The following MUC4 variants were observed in gnomAD, a reference collection of about 807,000 sequenced individuals.
MUC4 encodes mucin-4.
In MUC4, 202 loss-of-function variants were observed where a neutral mutation model predicts 257.9. The ratio of observed to expected loss-of-function variants is 0.78; its 90% confidence interval spans 0.70 to 0.88. MUC4 has a LOEUF of 0.88. Ranked by LOEUF, MUC4 falls within the 40% of genes least tolerant of loss-of-function variation. MUC4 has a pLI of 0.00. For synonymous variants in MUC4, 2,351 were observed against 2,757.1 expected, an observed-to-expected ratio of 0.85 and a Z score of 4.62; for missense variants, 5,976 against 6,513.7, an observed-to-expected ratio of 0.92 and a Z score of 2.84.
chr3:195,767,938 TACC>T (rs763983469), intron 7 of MUC4, among the ~76,000 whole-genome samples: 9,240 of 66,438 alleles, frequency 0.14, 473 homozygotes, highest in Middle Eastern at 0.34. Flanking sequence ...CCACCGCCAC[TACC>T]ACCACCACCA....
rs1715767932 is a variant in MUC4, at chr3:195,748,999, T to C, written c.15937A>G (p.Ser5313Gly). 2.5e-6 allele frequency: 4 copies of C among 1,610,144 alleles called. No individual in the cohort carries two copies. Among genetic ancestry groups the C allele is most frequent in the Non-Finnish European group, 3.4e-6 (4 of 1,178,116 alleles). Residue 5313 changes from serine (S) to glycine (G), a missense_variant, in exon 24 of 25, where the codon AGC becomes GGC. Around this residue, in one of 44 missense-constraint regions of MUC4, gnomAD observed 310 missense variants for 242.1 expected, o/e 1.28. Coordinates refer to ENST00000463781, the MANE Select transcript of MUC4 (RefSeq NM_018406.7). Reference sequence around the variant, plus strand: ...ACGCAGGTGAAGCCGCTCTGGGGGCTGTAGACCAGGTCGTAGCCCTTGTAG... The same window carrying C: ...ACGCAGGTGAAGCCGCTCTGGGGGCCGTAGACCAGGTCGTAGCCCTTGTAG... Reference protein sequence around the residue: ...DGYKGYDLVYSPQSGFTCVSP... With the variant: ...DGYKGYDLVYGPQSGFTCVSP...
chr3:195,762,881 A>C lies in MUC4; in HGVS notation c.14318T>G (p.Phe4773Cys), dbSNP rs942122778. The C allele has an allele frequency of 1.3e-6, 2 of 1,570,680 alleles. No individual in the cohort carries two copies. Among genetic ancestry groups the C allele is most frequent in the African/African-American group, 1.4e-5 (1 of 73,680 alleles). Residue 4773 changes from phenylalanine to cysteine, a missense_variant, in exon 13 of 25, where the codon TTT (phenylalanine) becomes TGT (cysteine). Phe to Cys is a radical substitution (Grantham distance 205). Around this residue, in one of 44 missense-constraint regions of MUC4, gnomAD observed 996 missense variants for 1,137.3 expected, o/e 0.88. Transcript: ENST00000463781. ...TCCGCCGTCTTCATGGTCAGGCTGAAATGTCACAGTCTGGTTATCCAGCAG... is the reference window on the plus strand; with the variant it reads ...TCCGCCGTCTTCATGGTCAGGCTGACATGTCACAGTCTGGTTATCCAGCAG... ...RVLLDNQTVT[F>C]QPDHEDGGGQ... is the part of the protein sequence containing the mutation.
Position 195,782,883 on chromosome 3 carries a change from G to A in MUC4, c.8697C>T (p.Leu2899=), listed in dbSNP as rs201101755. 3 of 1,522,232 alleles carry A rather than the reference G, an allele frequency of 2.0e-6. No homozygotes were observed. Among genetic ancestry groups the A allele is most frequent in the East Asian group, 2.5e-5 (1 of 40,386 alleles). The allele number at this position is 1,522,232 out of a possible 1,614,324, so 94.3% of individuals were successfully genotyped here. Residue 2899 remains leucine, a synonymous_variant, in exon 2 of 25, where the codon CTC becomes CTT. Coordinates refer to ENST00000463781, the MANE Select transcript of MUC4 (RefSeq NM_018406.7). The part of the protein sequence containing the change: ...VSTGHATPLP[L]TSLSSVSTGD... ...CTGTGGATACTGAGGAAAGGCTGGT[G>A]AGAGGAAGAGGGGTAGCGTGACCTG...
intron 20 of MUC4, 39 bp from the exon 21 acceptor site, chr3:195,752,485 T>G: frequency 2.5e-6 from 4 of 1,581,720 alleles, no homozygotes; most frequent in Non-Finnish European, 3.5e-6. Flanking sequence ...CACCCCACGG[T>G]TTACCCAGAC....
rs767994233 is a variant in MUC4, at chr3:195,751,130, G to A, written c.15648-18C>T. 137 of 1,552,200 alleles carry A rather than the reference G, an allele frequency of 8.8e-5. No homozygotes were observed. The highest frequency in any genetic ancestry group is 2.2e-4 in the Middle Eastern group (1 of 4,446). On this transcript the variant is annotated intron_variant, in intron 22 of 24. Transcript: ENST00000463781. ...CAGAATCGCTGTGTGGGAGGGCAAC[G>A]GTGAGGGGGGGTGGGGGGCTGGGGG...
At chr3:195,792,425 A>C (rs1031845686) in intron 1 of MUC4, among the ~76,000 whole-genome samples, 1 of 152,268 alleles carries the variant, frequency 6.6e-6, no homozygotes, top group Admixed American at 6.5e-5. Flanking sequence ...TCAAAACTAC[A>C]AAGGGATATC....
Position 195,785,156 on chromosome 3 carries a change from T to G in MUC4, c.6424A>C (p.Thr2142Pro), listed in dbSNP as rs71617306. Residue 2142 changes from threonine to proline, a missense_variant, in exon 2 of 25, where the codon ACC (threonine) becomes CCC (proline). By Grantham distance (38) the Thr-to-Pro change is conservative (BLOSUM62 -1). Coordinates refer to ENST00000463781, the MANE Select transcript of MUC4 (RefSeq NM_018406.7). The stretch of plus-strand genomic sequence containing the variant: ...GTTTCGGTGACAGGAAGAGGGGTGG[T>G]GTCACCTGTGGATGTTGAGGAAGGG... ...TSPSSTSTGD[T>P]TPLPVTETSS... The G allele has an allele frequency of 2.0e-6, 3 of 1,504,074 alleles. No individual in the cohort carries two copies. Among genetic ancestry groups the G allele is most frequent in the Non-Finnish European group, 1.8e-6 (2 of 1,124,504 alleles). 93.2% of individuals were successfully genotyped at this position (1,504,074 alleles called of 1,614,324 possible).
In MUC4 at chr3:195,782,358, A is replaced by T. The variant is rs1352391084; in HGVS notation, c.9222T>A (p.Pro3074=). The T allele has an allele frequency of 3.5e-6, 5 of 1,447,046 alleles. No homozygotes were observed. The highest frequency in any genetic ancestry group is 4.6e-6 in the Non-Finnish European group (5 of 1,083,974). 89.6% of individuals were successfully genotyped at this position (1,447,046 alleles called of 1,614,324 possible). ...TGGATGCTGAGGAAGTGTCGGTGACAGGAAGCGGGGTGGCGTGACCGGTGG... is the reference window on the plus strand; with the variant it reads ...TGGATGCTGAGGAAGTGTCGGTGACTGGAAGCGGGGTGGCGTGACCGGTGG... ...SASTGHATPL[P]VTDTSSASTG... The change falls in exon 2 of 25, where the codon CCT becomes CCA. Residue 3074 remains proline (P), a synonymous_variant. Transcript: ENST00000463781.
chr3:195,760,112 C>T (rs1264130222), intron 16 of MUC4, among the ~76,000 whole-genome samples: 1 of 152,056 alleles, frequency 6.6e-6, no homozygotes, highest in Non-Finnish European at 1.5e-5. Context: ...GTGGCTGGCA[C>T]TGTTCTGGGT....
At chr3:195,793,107 A>G (rs1411166475) in intron 1 of MUC4, among the ~76,000 whole-genome samples, 2 of 145,144 alleles carry the variant, frequency 1.4e-5, no homozygotes, top group African/African-American at 5.2e-5. Flanking sequence ...CGTTCTGCAC[A>G]TGTATCCTGA....
chr3:195,793,018 T>C (rs1734063170), intron 1 of MUC4, among the ~76,000 whole-genome samples: 1 of 151,650 alleles, frequency 6.6e-6, no homozygotes, highest in African/African-American at 2.4e-5. Context: ...TCAGGATAAA[T>C]AGCTAATACA....
intron 1 of MUC4, among the ~76,000 whole-genome samples, chr3:195,804,681 G>A (rs926165032): frequency 6.6e-6 from 1 of 152,264 alleles, no homozygotes; most frequent in African/African-American, 2.4e-5. Flanking sequence ...TAAGCCCAAG[G>A]GAAGTGCCCA....
At chr3:195,752,530 A>G (rs1716654876) in intron 20 of MUC4, 84 bp from the exon 21 acceptor site, 2 of 1,181,736 alleles carry the variant, frequency 1.7e-6, no homozygotes, top group Non-Finnish European at 2.5e-6. Flanking sequence ...GCCCAAGTTG[A>G]CTGCTCCATT....
Position 195,778,453 on chromosome 3 carries a change from TTCCTGGACAC to T in MUC4, c.12791-8_12792del. On this transcript the variant is annotated splice_acceptor_variant and splice_polypyrimidine_tract_variant and coding_sequence_variant and intron_variant, in exon 3 of 25. Transcript: ENST00000463781. LOFTEE classifies it high-confidence loss of function. ...TCTGTCTTCAGTGACGGTGTTGTCA[TTCCTGGACAC>T]GTGAAAAGACAAGGCGGGGTGTTTC... The T allele has an allele frequency of 6.2e-7, 1 of 1,612,178 alleles. No individual in the cohort carries two copies. The highest frequency in any genetic ancestry group is 1.7e-4 in the Middle Eastern group (1 of 6,022).
rs1560239110 is a variant in MUC4 at position 195,760,546 on chromosome 3, G to GATGGAGTGGAGGGGGCTGGGAAGGCA, written c.14848+337_14848+338insTGCCTTCCCAGCCCCCTCCACTCCAT. 4.5e-4 allele frequency among the ~76,000 whole-genome samples: 51 copies of GATGGAGTGGAGGGGGCTGGGAAGGCA among 112,132 alleles called. 1 individual carries two copies. The highest frequency in any genetic ancestry group is 7.1e-4 in the Non-Finnish European group (33 of 46,500). The allele number at this position is 112,132 out of a possible 152,430, so 73.6% of individuals were successfully genotyped here. A position where few individuals can be genotyped will look rare whatever the true frequency, so the allele number is the denominator to read the frequency against. Reference sequence around the variant, plus strand: ...GATGGATGGAGGGGGCTGGGAAGGGGTCCAGCGCTAGGATGGAGTGGAGGG... The same window carrying GATGGAGTGGAGGGGGCTGGGAAGGCA: ...GATGGATGGAGGGGGCTGGGAAGGGGATGGAGTGGAGGGGGCTGGGAAGGCATCCAGCGCTAGGATGGAGTGGAGGG... On this transcript the variant is annotated intron_variant, in intron 16 of 24. Coordinates refer to ENST00000463781, the MANE Select transcript of MUC4 (RefSeq NM_018406.7).
intron 1 of MUC4, among the ~76,000 whole-genome samples, chr3:195,808,993 C>T (rs375493521): frequency 1.3e-5 from 2 of 152,188 alleles, no homozygotes; most frequent in East Asian, 1.9e-4. Flanking sequence ...TCCAGCCTGT[C>T]ACCTCCCTGG....
chr3:195,753,374 C>T lies in MUC4; in HGVS notation c.15329-144G>A, dbSNP rs115156596. On this transcript the variant is annotated intron_variant, in intron 19 of 24. Transcript: ENST00000463781. ...CGGAACCCCAAACCATCCTTCCCCCCTTTTCCAGGCGTTTCTCTGCAGGGC... is the reference window on the plus strand; with the variant it reads ...CGGAACCCCAAACCATCCTTCCCCCTTTTTCCAGGCGTTTCTCTGCAGGGC... The T allele has an allele frequency of 2.3e-3, 1,741 of 761,282 alleles. 26 individuals carry two copies. In the African/African-American group the frequency reaches 0.029, roughly 13 times the overall value. The allele number at this position is 761,282 out of a possible 1,614,324, so 47.2% of individuals were successfully genotyped here.
intron 1 of MUC4, among the ~76,000 whole-genome samples, chr3:195,803,917 C>T (rs1330481639): frequency 2.0e-5 from 3 of 152,154 alleles, no homozygotes. Context: ...GAGCCAGGCA[C>T]ATTCTCGGGG....
chr3:195,776,456 G>A lies in MUC4; in HGVS notation c.12943+1847C>T, dbSNP rs1437555155. On this transcript the variant is annotated intron_variant, in intron 3 of 24. Coordinates refer to ENST00000463781, the MANE Select transcript of MUC4 (RefSeq NM_018406.7). ...CATACCTTCCGCACCCATACCTTCC[G>A]CACCCATACCTTCCACACCCATACC... Among the ~76,000 whole-genome samples the A allele has an allele frequency of 2.1e-3, 26 of 12,278 alleles. 2 individuals are homozygous for A. Among genetic ancestry groups the A allele is most frequent in the African/African-American group, 4.0e-3 (3 of 752 alleles). The allele number at this position is 12,278 out of a possible 152,430, so 8.1% of individuals were successfully genotyped here. A position where few individuals can be genotyped will look rare whatever the true frequency, so the allele number is the denominator to read the frequency against.
Sources: gnomAD v4.1 joint callset for allele counts (sites outside exome capture counted in the v4.1 genomes callset) on GRCh38, gnomAD v4.1.1 for gene constraint, gnomAD v4.1.1 regional missense constraint, MANE v1.5 for transcripts, NCBI Gene and HGNC (gene_info 2026-07-23, HGNC 2026-07-21) for gene names.